The following RFC3 variants were observed in gnomAD, a reference collection of about 807,000 sequenced individuals.
RFC3 encodes replication factor C subunit 3, also known as A1 38 kDa subunit.
A neutral mutation model predicts 45.1 loss-of-function variants in RFC3; 41 were observed. The ratio of observed to expected loss-of-function variants is 0.91; its 90% confidence interval spans 0.71 to 1.18. RFC3 has a LOEUF of 1.18. Ranked by LOEUF, RFC3 falls within the 50% of genes most tolerant of loss-of-function variation. RFC3 has a pLI of 0.00. For missense variants in RFC3, 423 were observed against 428.1 expected (o/e 0.99, Z 0.10); for synonymous variants, 149 against 144.0 (o/e 1.03, Z -0.25).
intron 8 of RFC3, among the ~76,000 whole-genome samples, chr13:33,948,151 G>A (rs2082965739): frequency 6.6e-6 from 1 of 152,158 alleles, no homozygotes; most frequent in Non-Finnish European, 1.5e-5. Context: ...TTTGTGGGCT[G>A]AGCCCAGGGA....
chr13:33,943,965 C>T (rs1462322131), intron 8 of RFC3, among the ~76,000 whole-genome samples: 1 of 152,022 alleles, frequency 6.6e-6, no homozygotes, highest in East Asian at 1.9e-4. Context: ...TTTTACAAAG[C>T]CCCCCAAAAT....
At chr13:33,901,060 G>GCA (rs2082638470) in intron 8 of RFC3, among the ~76,000 whole-genome samples, 1 of 151,888 alleles carries the variant, frequency 6.6e-6, no homozygotes, top group Non-Finnish European at 1.5e-5. Context: ...GTGAGGATGT[G>GCA]GAGAGAGGGG....
At chr13:33,949,222 C>T (rs2082973680) in intron 8 of RFC3, among the ~76,000 whole-genome samples, 1 of 152,062 alleles carries the variant, frequency 6.6e-6, no homozygotes, top group Non-Finnish European at 1.5e-5. Flanking sequence ...TTATAAGTGC[C>T]TGGCATTTTC....
intron 8 of RFC3, among the ~76,000 whole-genome samples, chr13:33,853,372 A>G (rs1298553378): frequency 6.6e-6 from 1 of 152,064 alleles, no homozygotes; most frequent in African/African-American, 2.4e-5. Context: ...TTAGAAAGAA[A>G]TTGCTATCCC....
At chr13:33,931,386 G>T (rs905601572) in intron 8 of RFC3, among the ~76,000 whole-genome samples, 23 of 152,056 alleles carry the variant, frequency 1.5e-4, no homozygotes, top group African/African-American at 5.3e-4. Flanking sequence ...TTCTGTATAG[G>T]TCTGGTGTGG....
At chr13:33,839,040 G>A (rs924806326), downstream of RFC3, among the ~76,000 whole-genome samples, 1 of 152,142 alleles carries the variant, frequency 6.6e-6, no homozygotes, top group Non-Finnish European at 1.5e-5. Context: ...ACCAACCAAT[G>A]ATGTGAACAG....
intron 8 of RFC3, among the ~76,000 whole-genome samples, chr13:33,916,655 T>TGTG (rs1275151870): frequency 6.6e-6 from 1 of 152,174 alleles, no homozygotes; most frequent in Non-Finnish European, 1.5e-5. Flanking sequence ...CGTAGATGTC[T>TGTG]GTGTGTCTGT....
intron 8 of RFC3, among the ~76,000 whole-genome samples, chr13:33,892,042 A>G (rs2082567138): frequency 1.3e-5 from 2 of 152,188 alleles, no homozygotes; most frequent in Admixed American, 6.6e-5. Flanking sequence ...TACCAAAATA[A>G]CCAAACAATT....
At chr13:33,955,546 C>A (rs2083016791) in intron 8 of RFC3, among the ~76,000 whole-genome samples, 1 of 152,178 alleles carries the variant, frequency 6.6e-6, no homozygotes. Flanking sequence ...CCTGATCTCA[C>A]TCCCTCCTGA....
chr13:33,963,040 C>G (rs1331888170), intron 8 of RFC3, among the ~76,000 whole-genome samples: 10 of 151,804 alleles, frequency 6.6e-5, no homozygotes, highest in African/African-American at 2.4e-4. Flanking sequence ...ATATTACTAC[C>G]CAAAATATAT....
At chr13:33,923,507 G>A (rs986637498) in intron 8 of RFC3, among the ~76,000 whole-genome samples, 12 of 152,128 alleles carry the variant, frequency 7.9e-5, no homozygotes, top group African/African-American at 2.7e-4. Flanking sequence ...GGGATGGCCT[G>A]GTTCCCAGGG....
chr13:33,934,097 G>A (rs948758179), intron 8 of RFC3, among the ~76,000 whole-genome samples: 4 of 151,940 alleles, frequency 2.6e-5, no homozygotes, highest in Middle Eastern at 3.2e-3. Flanking sequence ...GGAGGATGGC[G>A]TGAGCTCAGG....
downstream of RFC3, among the ~76,000 whole-genome samples, chr13:33,969,064 C>G (rs2083100226): frequency 6.6e-6 from 1 of 152,172 alleles, no homozygotes; most frequent in African/African-American, 2.4e-5. Flanking sequence ...AAGTTACACA[C>G]GTTTCAACAC....
downstream of RFC3, among the ~76,000 whole-genome samples, chr13:33,841,461 A>C (rs2082198027): frequency 1.3e-5 from 2 of 152,208 alleles, no homozygotes; most frequent in African/African-American, 4.8e-5. Flanking sequence ...AATTTCAGAC[A>C]GTGTATTCAT....
At chr13:33,912,148 CAAG>C (rs1216747386) in intron 8 of RFC3, among the ~76,000 whole-genome samples, 2 of 151,854 alleles carry the variant, frequency 1.3e-5, no homozygotes, top group Admixed American at 6.6e-5. Context: ...GATTTGTAAT[CAAG>C]AAAAAAAAGT....
chr13:33,947,535 G>T (rs2082961774), intron 8 of RFC3, among the ~76,000 whole-genome samples: 1 of 152,168 alleles, frequency 6.6e-6, no homozygotes, highest in African/African-American at 2.4e-5. Flanking sequence ...AGCGACTCTG[G>T]AACTGGGCAA....
At chr13:33,851,085 T>C (rs1376297108) in intron 8 of RFC3, among the ~76,000 whole-genome samples, 2 of 152,196 alleles carry the variant, frequency 1.3e-5, no homozygotes, top group Non-Finnish European at 2.9e-5. Flanking sequence ...ATGAACTAGA[T>C]TGATTCTTAT....
chr13:33,870,171 G>A (rs2082398276), intron 8 of RFC3, among the ~76,000 whole-genome samples: 1 of 152,218 alleles, frequency 6.6e-6, no homozygotes, highest in Non-Finnish European at 1.5e-5. Context: ...GAACAGCTCA[G>A]CTTCATAAAA....
chr13:33,958,663 G>A (rs542807265), intron 8 of RFC3, among the ~76,000 whole-genome samples: 1 of 152,246 alleles, frequency 6.6e-6, no homozygotes, highest in African/African-American at 2.4e-5. Context: ...TGGAGTTTCA[G>A]GTAAGGCTTG....
Sources: allele counts gnomAD v4.1 joint callset (sites outside exome capture counted in the v4.1 genomes callset), GRCh38; gene constraint gnomAD v4.1.1; transcripts MANE v1.5; gene names NCBI Gene and HGNC (gene_info 2026-07-23, HGNC 2026-07-21).